GFOD1: variants seen among roughly 807,000 people sequenced by gnomAD.
GFOD1 encodes glucose-fructose oxidoreductase domain-containing protein 1.
GFOD1 carries 9 observed loss-of-function variants against 25.4 expected under a neutral mutation model. The observed-to-expected ratio is 0.35, with a 90% CI of 0.21 to 0.62. The LOEUF is 0.62. Among genes scored for constraint, GFOD1 ranks in the 20% least tolerant of loss-of-function variants. The pLI is 0.72. For synonymous variants in GFOD1, 253 were observed against 245.6 expected (o/e 1.03, Z -0.28); for missense variants, 403 against 556.9 (o/e 0.72, Z 2.78).
chr6:13,395,521 G>A (rs1001010930), intron 1 of GFOD1, among the ~76,000 whole-genome samples: 1 of 152,178 alleles, frequency 6.6e-6, no homozygotes, highest in Non-Finnish European at 1.5e-5. Context: ...TGGCTTAGAG[G>A]TTGGACAGAT....
rs1381350298 is a variant in GFOD1, at chr6:13,393,796, T to C, written c.254-28134A>G. ...TTTTCTTTTCTTTTTTTTTTTTTTT[T>C]TGAGACGGAGTTTCGCTCTGCCGCC... On this transcript the variant is annotated intron_variant, in intron 1 of 1. Coordinates refer to ENST00000379287, the MANE Select transcript of GFOD1 (RefSeq NM_018988.4). 8.7e-5 allele frequency among the ~76,000 whole-genome samples: 13 copies of C among 149,650 alleles called. 1 individual carries two copies. The East Asian group carries it at 2.1e-3, about 25-fold the overall frequency.
chr6:13,422,977 T>C (rs1285602975), intron 1 of GFOD1, among the ~76,000 whole-genome samples: 1 of 152,190 alleles, frequency 6.6e-6, no homozygotes, highest in Non-Finnish European at 1.5e-5. Context: ...CTCCTACATG[T>C]ACCTCATTTT....
intron 1 of GFOD1, among the ~76,000 whole-genome samples, chr6:13,458,245 G>T (rs2127574950): frequency 6.6e-6 from 1 of 152,156 alleles, no homozygotes; most frequent in African/African-American, 2.4e-5. Context: ...AGCCTCCCGA[G>T]TAGCTGGGAT....
In GFOD1 at chr6:13,394,466, A is replaced by ATTTTTTTTTTTT. The variant is rs70989855; in HGVS notation, c.254-28816_254-28805dup. ...GCATATCTGCTTTTGTACCCTTTGA[A>ATTTTTTTTTTTT]TTTTTTTTTTTTTTTTTTTTTTTTT... On this transcript the variant is annotated intron_variant, in intron 1 of 1. Transcript: ENST00000379287. Among the ~76,000 whole-genome samples, 41 of 75,924 alleles carry ATTTTTTTTTTTT rather than the reference A, an allele frequency of 5.4e-4. 5 individuals are homozygous for ATTTTTTTTTTTT. Among genetic ancestry groups the ATTTTTTTTTTTT allele is most frequent in the African/African-American group, 2.1e-3 (39 of 18,272 alleles). The allele number at this position is 75,924 out of a possible 152,430, so 49.8% of individuals were successfully genotyped here. A position where few individuals can be genotyped will look rare whatever the true frequency, so the allele number is the denominator to read the frequency against.
At position 13,358,072 on chromosome 6, in the gene GFOD1, A is replaced by C. The variant is rs1185989479; in HGVS notation, c.*6671T>G. 4 of 152,202 alleles carry C rather than the reference A, an allele frequency of 2.6e-5. No homozygotes were observed. The highest frequency in any genetic ancestry group is 5.9e-5 in the Non-Finnish European group (4 of 68,032). 9.4% of individuals were successfully genotyped at this position (152,202 alleles called of 1,614,324 possible). A position where few individuals can be genotyped will look rare whatever the true frequency, so the allele number is the denominator to read the frequency against. On this transcript the variant is annotated 3_prime_UTR_variant, in exon 2 of 2. Transcript: ENST00000379287. ...AGGGCCGCCTCCCAGCTTCCACAGT[A>C]GTTTGGCCTTAAAAACACTAAGAAC...
chr6:13,423,573 C>A (rs1284552655), intron 1 of GFOD1, among the ~76,000 whole-genome samples: 1 of 152,210 alleles, frequency 6.6e-6, no homozygotes, highest in East Asian at 1.9e-4. Context: ...ATGAGTGTCG[C>A]AGGTTGCCCT....
Position 13,359,383 on chromosome 6 carries a change from A to G in GFOD1, c.*5360T>C, listed in dbSNP as rs1331284569. 6.6e-6 allele frequency: 1 copy of G among 152,234 alleles called. No homozygotes were observed. The highest frequency in any genetic ancestry group is 6.5e-5 in the Admixed American group (1 of 15,288). 9.4% of individuals were successfully genotyped at this position (152,234 alleles called of 1,614,324 possible). A position where few individuals can be genotyped will look rare whatever the true frequency, so the allele number is the denominator to read the frequency against. On this transcript the variant is annotated 3_prime_UTR_variant, in exon 2 of 2. Coordinates refer to ENST00000379287, the MANE Select transcript of GFOD1 (RefSeq NM_018988.4). ...CTGCTCTGTAAACTCCAAGGCTCTG[A>G]TGGCCAAAAACGTAGGCGGTGGTGG...
chr6:13,382,895 C>T (rs551532106), intron 1 of GFOD1, among the ~76,000 whole-genome samples: 1 of 152,292 alleles, frequency 6.6e-6, no homozygotes, highest in East Asian at 1.9e-4. Context: ...GTTCAGCTCC[C>T]ACTTATAAGT....
chr6:13,390,729 AAAAAAG>A (rs1373287397), intron 1 of GFOD1, among the ~76,000 whole-genome samples: 13 of 143,726 alleles, frequency 9.0e-5, no homozygotes, highest in African/African-American at 3.3e-4. Context: ...GTGAAAAAAA[AAAAAAG>A]AAAGAAAGAC....
intron 1 of GFOD1, among the ~76,000 whole-genome samples, chr6:13,376,565 T>C (rs745372959): frequency 1.3e-4 from 19 of 151,954 alleles, no homozygotes; most frequent in Non-Finnish European, 1.9e-4. Context: ...ATGCCAAACA[T>C]TGGGTCACCA....
At position 13,364,758 on chromosome 6, in the gene GFOD1, C is replaced by T. The variant is rs757453648; in HGVS notation, c.1158G>A (p.Met386Ile). 9 of 1,612,460 alleles carry T rather than the reference C, an allele frequency of 5.6e-6. No homozygotes were observed. The highest frequency in any genetic ancestry group is 6.8e-6 in the Non-Finnish European group (8 of 1,179,436). Residue 386 changes from methionine (M) to isoleucine (I), a missense_variant, in exon 2 of 2, where the codon ATG becomes ATA. By Grantham distance (10) the Met-to-Ile change is conservative (BLOSUM62 1). Coordinates refer to ENST00000379287, the MANE Select transcript of GFOD1 (RefSeq NM_018988.4). This position sits in a 1 kb window ranked among gnomAD's most constrained non-coding sequence, Gnocchi z 4.1. ...LISEAMRRSR[M>I]SLYC Reference sequence around the variant, plus strand: ...TCAATCTGTGCTAACAGTAGAGGGACATCCTGCTGCGGCGCATGGCCTCGC... The same window carrying T: ...TCAATCTGTGCTAACAGTAGAGGGATATCCTGCTGCGGCGCATGGCCTCGC...
At chr6:13,468,816 T>C (rs1383578560) in intron 1 of GFOD1, among the ~76,000 whole-genome samples, 2 of 151,690 alleles carry the variant, frequency 1.3e-5, no homozygotes. Flanking sequence ...CAATCCCCCT[T>C]CCAGTTCTCT....
At chr6:13,413,427 A>G (rs1428220316) in intron 1 of GFOD1, among the ~76,000 whole-genome samples, 1 of 152,250 alleles carries the variant, frequency 6.6e-6, no homozygotes, top group East Asian at 1.9e-4. Context: ...CACATGCCTC[A>G]TCAAAAGGAT....
intron 1 of GFOD1, among the ~76,000 whole-genome samples, chr6:13,434,425 G>A (rs1449317491): frequency 7.2e-6 from 1 of 139,836 alleles, no homozygotes; most frequent in Non-Finnish European, 1.6e-5. Flanking sequence ...CATTATGGAA[G>A]CACAGAAGTC....
At position 13,364,674 on chromosome 6, in the gene GFOD1, C is replaced by G; in HGVS notation, c.*69G>C. 1 of 1,318,160 alleles carries G rather than the reference C, an allele frequency of 7.6e-7. No homozygotes were observed. The highest frequency in any genetic ancestry group is 1.3e-5 in the South Asian group (1 of 76,372). The allele number at this position is 1,318,160 out of a possible 1,614,324, so 81.7% of individuals were successfully genotyped here. Reference sequence around the variant, plus strand: ...CCACATTCCCCATGGTCACCCTCTCCCCTCGGCCCTTCCCTCTCTGTGGAC... The same window carrying G: ...CCACATTCCCCATGGTCACCCTCTCGCCTCGGCCCTTCCCTCTCTGTGGAC... On this transcript the variant is annotated 3_prime_UTR_variant, in exon 2 of 2. Transcript: ENST00000379287. The surrounding 1 kb of genome is among the most constrained non-coding windows in gnomAD (Gnocchi z 4.1).
rs556166396 is a variant in GFOD1, at chr6:13,417,583, T to A, written c.254-51921A>T. Reference sequence around the variant, plus strand: ...TAGAGACCCAAAGTCCTAGTGCTATTTAGCAACTACAACAGTGCTGCTAGT... The same window carrying A: ...TAGAGACCCAAAGTCCTAGTGCTATATAGCAACTACAACAGTGCTGCTAGT... On this transcript the variant is annotated intron_variant, in intron 1 of 1. Transcript: ENST00000379287. 1.2e-4 allele frequency among the ~76,000 whole-genome samples: 19 copies of A among 152,338 alleles called. No homozygotes were observed. In the South Asian group the frequency reaches 3.9e-3, roughly 32 times the overall value.
intron 1 of GFOD1, among the ~76,000 whole-genome samples, chr6:13,425,423 T>G (rs1013975621): frequency 6.6e-6 from 1 of 152,092 alleles, no homozygotes; most frequent in Non-Finnish European, 1.5e-5. Context: ...TGGCCCCAGG[T>G]GTCCTGTGTT....
At chr6:13,371,729 T>C (rs552356306) in intron 1 of GFOD1, among the ~76,000 whole-genome samples, 36 of 152,258 alleles carry the variant, frequency 2.4e-4, no homozygotes, top group Admixed American at 1.2e-3. Flanking sequence ...TCAATGGTGG[T>C]AGAGGAACGG....
chr6:13,384,089 T>G (rs1174693878), intron 1 of GFOD1, among the ~76,000 whole-genome samples: 2 of 152,092 alleles, frequency 1.3e-5, no homozygotes, highest in Non-Finnish European at 2.9e-5. Context: ...TAGCTGGGTA[T>G]GGTGGCATGC....
Sources: allele counts gnomAD v4.1 joint callset (sites outside exome capture counted in the v4.1 genomes callset), GRCh38; gene constraint gnomAD v4.1.1; non-coding constraint Gnocchi (gnomAD v3.1); transcripts MANE v1.5; gene names NCBI Gene and HGNC (gene_info 2026-07-23, HGNC 2026-07-21).